Variants in RBFOX3 observed in about 807,000 individuals in gnomAD.
RBFOX3 encodes RNA binding protein fox-1 homolog 3.
Under a neutral mutation model 48.7 loss-of-function variants are expected in RBFOX3, and 17 were observed. That is an observed-to-expected ratio of 0.35 (90% CI 0.24 to 0.52). The LOEUF (loss-of-function observed/expected upper bound fraction) is 0.52. RBFOX3 is among the 20% of genes least tolerant of loss of function. The pLI is 0.94. For synonymous variants in RBFOX3, 212 were observed against 209.5 expected (o/e 1.01, Z -0.10); for missense variants, 382 against 497.5 (o/e 0.77, Z 2.21).
chr17:79,244,915 C>T (rs1473274873), intron 3 of RBFOX3, among the ~76,000 whole-genome samples: 1 of 145,990 alleles, frequency 6.8e-6, no homozygotes, highest in Non-Finnish European at 1.5e-5. Context: ...TCCTTCCTTC[C>T]TCTCTTCTTT....
At position 79,198,042 on chromosome 17, in the gene RBFOX3, G is replaced by C. The variant is rs1447129619; in HGVS notation, c.-34+37724C>G. 6.6e-6 allele frequency among the ~76,000 whole-genome samples: 1 copy of C among 151,344 alleles called. No homozygotes were observed. The highest frequency in any genetic ancestry group is 1.9e-4 in the East Asian group (1 of 5,132). On this transcript the variant is annotated intron_variant, in intron 4 of 14. Transcript: ENST00000693108. The surrounding 1 kb of genome is among the most constrained non-coding windows in gnomAD (Gnocchi z 8.2). ...GAGTGAATCCATCCCGAGTGCCTCT[G>C]TCTGCGTCAGGAGAGTCGTGTGGGG...
chr17:79,544,303 C>T (rs1219716054), intron 1 of RBFOX3, among the ~76,000 whole-genome samples: 3 of 152,130 alleles, frequency 2.0e-5, no homozygotes, highest in African/African-American at 7.2e-5. Flanking sequence ...CCCAAGGATG[C>T]CATGAGCTCA....
chr17:79,603,420 A>T (rs2093755396), intron 1 of RBFOX3, among the ~76,000 whole-genome samples: 1 of 152,196 alleles, frequency 6.6e-6, no homozygotes, highest in Non-Finnish European at 1.5e-5. Flanking sequence ...GTAACAACTG[A>T]GTCCACGGCC....
chr17:79,396,263 G>T lies in RBFOX3; in HGVS notation c.-175+86191C>A, dbSNP rs1375386880. Among the ~76,000 whole-genome samples the T allele has an allele frequency of 2.6e-5, 4 of 152,324 alleles. No individual in the cohort carries two copies. The East Asian group carries it at 7.7e-4, about 29-fold the overall frequency. On this transcript the variant is annotated intron_variant, in intron 2 of 14. Coordinates refer to ENST00000693108, the MANE Select transcript of RBFOX3 (RefSeq NM_001350451.2). ...TGGACTGGGCAGAGCCGGGGGAGAAGGGTGTGGCTGAGCTCAGAACAGAGA... is the reference window on the plus strand; with the variant it reads ...TGGACTGGGCAGAGCCGGGGGAGAATGGTGTGGCTGAGCTCAGAACAGAGA...
upstream of RBFOX3, among the ~76,000 whole-genome samples, chr17:79,614,826 G>GA (rs2093987835): frequency 1.3e-5 from 2 of 151,724 alleles, no homozygotes; most frequent in African/African-American, 4.8e-5. Context: ...GCAAAGAGGA[G>GA]AAAAAGAAGA....
At chr17:79,240,046 G>A (rs2062138355) in intron 3 of RBFOX3, among the ~76,000 whole-genome samples, 2 of 152,070 alleles carry the variant, frequency 1.3e-5, no homozygotes, top group African/African-American at 4.8e-5. Flanking sequence ...CTCCAAAGAC[G>A]AGTTCCTTGT....
intron 2 of RBFOX3, among the ~76,000 whole-genome samples, chr17:79,455,160 T>C (rs1362943194): frequency 1.3e-5 from 2 of 152,110 alleles, no homozygotes; most frequent in African/African-American, 4.8e-5. Context: ...GGGCCCCACT[T>C]TTCTTGTATC....
intron 4 of RBFOX3, among the ~76,000 whole-genome samples, chr17:79,197,271 T>G (rs911173728): frequency 6.6e-6 from 1 of 152,152 alleles, no homozygotes; most frequent in Non-Finnish European, 1.5e-5. Context: ...TCCCGCTACA[T>G]CTTTCTTTGT....
At chr17:79,321,537 G>C (rs2078523217) in intron 2 of RBFOX3, among the ~76,000 whole-genome samples, 1 of 152,082 alleles carries the variant, frequency 6.6e-6, no homozygotes, top group Admixed American at 6.6e-5. Context: ...CATCCAAACG[G>C]TGGTGATGTG....
intron 3 of RBFOX3, among the ~76,000 whole-genome samples, chr17:79,285,107 T>A (rs1313323093): frequency 6.6e-6 from 1 of 152,180 alleles, no homozygotes; most frequent in Non-Finnish European, 1.5e-5. Context: ...TGCGGATGTG[T>A]TGGAGGATGA....
rs563213650 is a variant in RBFOX3, at chr17:79,150,300, G to A, written c.-33-34552C>T. Reference sequence around the variant, plus strand: ...CTGGGGCCCAGGCCACTCTGCTTGGGTAGGACGCTCTGGGTCAAGGGGCAG... The same window carrying A: ...CTGGGGCCCAGGCCACTCTGCTTGGATAGGACGCTCTGGGTCAAGGGGCAG... On this transcript the variant is annotated intron_variant, in intron 4 of 14. Coordinates refer to ENST00000693108, the MANE Select transcript of RBFOX3 (RefSeq NM_001350451.2). Among the ~76,000 whole-genome samples, 673 of 152,146 alleles carry A rather than the reference G, an allele frequency of 4.4e-3. 4 individuals carry two copies. The highest frequency in any genetic ancestry group is 0.016 in the African/African-American group (644 of 41,534).
chr17:79,247,237 C>A (rs2063300657), intron 3 of RBFOX3, among the ~76,000 whole-genome samples: 1 of 151,914 alleles, frequency 6.6e-6, no homozygotes, highest in Admixed American at 6.6e-5. Context: ...GTGGGAGATA[C>A]AGCCAGCTCA....
At chr17:79,161,420 G>A (rs1030021681) in intron 4 of RBFOX3, among the ~76,000 whole-genome samples, 19 of 152,290 alleles carry the variant, frequency 1.2e-4, no homozygotes, top group African/African-American at 3.8e-4. Flanking sequence ...TTCCGTCTCC[G>A]CATACCAGCT....
At chr17:79,368,308 C>A (rs1462793912) in intron 2 of RBFOX3, among the ~76,000 whole-genome samples, 1 of 152,216 alleles carries the variant, frequency 6.6e-6, no homozygotes, top group Admixed American at 6.5e-5. Flanking sequence ...GAGACCTCCC[C>A]CTCCACCAGC....
chr17:79,210,044 C>T (rs1298173564), intron 4 of RBFOX3, among the ~76,000 whole-genome samples: 3 of 151,514 alleles, frequency 2.0e-5, no homozygotes, highest in African/African-American at 4.8e-5. Context: ...TTTCTGTGTG[C>T]GCACAGAGGC....
At chr17:79,375,980 G>C (rs1378354326) in intron 2 of RBFOX3, among the ~76,000 whole-genome samples, 1 of 152,226 alleles carries the variant, frequency 6.6e-6, no homozygotes, top group African/African-American at 2.4e-5. Flanking sequence ...GATTTAGTGA[G>C]ATTCTGTTTG....
intron 4 of RBFOX3, among the ~76,000 whole-genome samples, chr17:79,206,461 C>T (rs1370977523): frequency 1.3e-5 from 2 of 152,188 alleles, no homozygotes; most frequent in African/African-American, 4.8e-5. Flanking sequence ...ACAGCACTGA[C>T]TCCTCAAGAT....
chr17:79,314,363 A>G (rs1310373295), intron 2 of RBFOX3, among the ~76,000 whole-genome samples: 1 of 152,054 alleles, frequency 6.6e-6, no homozygotes, highest in Non-Finnish European at 1.5e-5. Flanking sequence ...TCGTGGGCAC[A>G]GTGAGAACGA....
At chr17:79,420,734 C>T (rs1452350363) in intron 2 of RBFOX3, among the ~76,000 whole-genome samples, 4 of 152,234 alleles carry the variant, frequency 2.6e-5, no homozygotes, top group African/African-American at 9.6e-5. Context: ...TGAGGAATCT[C>T]ACCCCTGCCA....
Sources: allele counts gnomAD v4.1 joint callset (sites outside exome capture counted in the v4.1 genomes callset), GRCh38; gene constraint gnomAD v4.1.1; non-coding constraint Gnocchi (gnomAD v3.1); transcripts MANE v1.5; gene names NCBI Gene and HGNC (gene_info 2026-07-23, HGNC 2026-07-21).